The following COL19A1 variants were observed in gnomAD, a reference collection of about 807,000 sequenced individuals.
The protein encoded by COL19A1 is collagen alpha-1(XIX) chain.
A neutral mutation model predicts 190.2 loss-of-function variants in COL19A1; 159 were observed. The observed-to-expected ratio is 0.84, with a 90% confidence interval of 0.73 to 0.95. The LOEUF is 0.95. Ranked by LOEUF, COL19A1 falls within the 40% of genes least tolerant of loss-of-function variation. COL19A1 has a pLI of 0.00. For synonymous variants in COL19A1, 509 were observed against 458.9 expected (o/e 1.11, Z -1.39); for missense variants, 1,418 against 1,431.9 (o/e 0.99, Z 0.16).
chr6:69,923,801 G>C (rs1183654665), intron 4 of COL19A1, among the ~76,000 whole-genome samples: 1 of 152,156 alleles, frequency 6.6e-6, no homozygotes, highest in Non-Finnish European at 1.5e-5. Context: ...GAAGGCTAAG[G>C]TGATTTATAA....
At position 69,910,862 on chromosome 6, in the gene COL19A1, TG is replaced by T. The variant is rs550605701; in HGVS notation, c.266+10526del. Among the ~76,000 whole-genome samples, 43 of 152,334 alleles carry T rather than the reference TG, an allele frequency of 2.8e-4. 1 individual carries two copies. In the East Asian group the frequency reaches 7.9e-3, roughly 28 times the overall value. On this transcript the variant is annotated intron_variant, in intron 4 of 50. Coordinates refer to ENST00000620364, the MANE Select transcript of COL19A1 (RefSeq NM_001858.6). ...TTCAGTCTTATCTTTAATCTTAATT[TG>T]GCTCATAAAAATGCTATTTGAGGAC...
chr6:70,080,709 A>T (rs12193795), intron 15 of COL19A1, among the ~76,000 whole-genome samples: 43,975 of 152,042 alleles, frequency 0.29, 8,036 homozygotes, highest in Non-Finnish European at 0.41. Context: ...CATTCTGTAA[A>T]CTGTCATTTA....
At chr6:69,949,459 A>G (rs547446590) in intron 9 of COL19A1, among the ~76,000 whole-genome samples, 25 of 152,042 alleles carry the variant, frequency 1.6e-4, no homozygotes, top group Middle Eastern at 3.4e-3. Flanking sequence ...TAAAGAATGT[A>G]TACAAAATGA....
At chr6:69,875,748 G>C (rs1003092155) in intron 1 of COL19A1, among the ~76,000 whole-genome samples, 1 of 152,128 alleles carries the variant, frequency 6.6e-6, no homozygotes. Flanking sequence ...AATTTATCTG[G>C]ATGTATTAAG....
chr6:69,979,031 A>G (rs1775886402), intron 11 of COL19A1, among the ~76,000 whole-genome samples: 1 of 151,974 alleles, frequency 6.6e-6, no homozygotes, highest in African/African-American at 2.4e-5. Flanking sequence ...ACCAAGAATA[A>G]CTGGAAAATA....
chr6:70,047,935 C>T (rs1562118536), intron 14 of COL19A1, among the ~76,000 whole-genome samples: 2 of 147,356 alleles, frequency 1.4e-5, no homozygotes, highest in Non-Finnish European at 3.1e-5. Context: ...TGTAATATAT[C>T]CACTAATTTT....
chr6:70,065,561 G>A (rs1443238958), intron 14 of COL19A1, among the ~76,000 whole-genome samples: 1 of 152,160 alleles, frequency 6.6e-6, no homozygotes, highest in Admixed American at 6.5e-5. Flanking sequence ...AGGACTTCAT[G>A]TCTAAAACAC....
At chr6:70,069,997 A>G (rs985536799) in intron 15 of COL19A1, among the ~76,000 whole-genome samples, 1 of 152,118 alleles carries the variant, frequency 6.6e-6, no homozygotes, top group Non-Finnish European at 1.5e-5. Context: ...GGGCCTGACA[A>G]CCCTGTGTAA....
At chr6:70,027,242 C>T (rs1001789067) in intron 12 of COL19A1, among the ~76,000 whole-genome samples, 7 of 152,118 alleles carry the variant, frequency 4.6e-5, no homozygotes, top group African/African-American at 1.4e-4. Flanking sequence ...GTCTTTATTG[C>T]TGTGTATTAT....
At chr6:69,909,334 G>A (rs1287307169) in intron 4 of COL19A1, among the ~76,000 whole-genome samples, 2 of 152,102 alleles carry the variant, frequency 1.3e-5, no homozygotes, top group African/African-American at 2.4e-5. Context: ...TAGGGAGTGT[G>A]TGATATCTCT....
At chr6:70,026,256 A>G (rs904927060) in intron 12 of COL19A1, among the ~76,000 whole-genome samples, 2 of 152,202 alleles carry the variant, frequency 1.3e-5, no homozygotes, top group South Asian at 4.1e-4. Flanking sequence ...CAACTGATAC[A>G]TGCATATATT....
chr6:70,195,645 A>G (rs1374358302), intron 48 of COL19A1, among the ~76,000 whole-genome samples: 1 of 152,200 alleles, frequency 6.6e-6, no homozygotes, highest in Admixed American at 6.5e-5. Context: ...AGCTGTATAG[A>G]GAAAGGAATT....
chr6:70,168,146 CT>C (rs749287922), intron 38 of COL19A1, 24 bp from the exon 39 acceptor site: 16 of 1,611,214 alleles, frequency 9.9e-6, no homozygotes, highest in Non-Finnish European at 1.4e-5. Context: ...TTCTCTTTTT[CT>C]TTTCTTTTCA....
intron 4 of COL19A1, among the ~76,000 whole-genome samples, chr6:69,903,777 C>T (rs1408262099): frequency 6.6e-6 from 1 of 152,164 alleles, no homozygotes. Flanking sequence ...AAATGGGCAC[C>T]TCTTGTCAAC....
intron 16 of COL19A1, among the ~76,000 whole-genome samples, chr6:70,118,437 C>T (rs900400509): frequency 2.6e-5 from 4 of 152,214 alleles, no homozygotes; most frequent in African/African-American, 4.8e-5. Context: ...TAATTGGCAT[C>T]TCTTTCTAGT....
chr6:70,083,185 G>C (rs1782375442), intron 15 of COL19A1, among the ~76,000 whole-genome samples: 1 of 152,180 alleles, frequency 6.6e-6, no homozygotes, highest in Non-Finnish European at 1.5e-5. Flanking sequence ...TCTTCAAAGA[G>C]TGCATATAGG....
intron 41 of COL19A1, 148 bp downstream of exon 41, chr6:70,172,165 A>C: frequency 1.6e-6 from 1 of 644,234 alleles, no homozygotes; most frequent in Admixed American, 3.2e-5. Context: ...CTTACATTCT[A>C]GCAAAAGGAT....
At chr6:69,926,041 A>G (rs1772364111) in intron 4 of COL19A1, among the ~76,000 whole-genome samples, 1 of 152,160 alleles carries the variant, frequency 6.6e-6, no homozygotes. Flanking sequence ...AACAGGGACA[A>G]TTTGACTTCC....
At position 70,148,174 on chromosome 6, in the gene COL19A1, C is replaced by T. The variant is rs901022238; in HGVS notation, c.1893+1285C>T. Among the ~76,000 whole-genome samples, 4 of 151,668 alleles carry T rather than the reference C, an allele frequency of 2.6e-5. No individual in the cohort carries two copies. The East Asian group carries it at 7.8e-4, about 30-fold the overall frequency. On this transcript the variant is annotated intron_variant, in intron 27 of 50. Coordinates refer to ENST00000620364, the MANE Select transcript of COL19A1 (RefSeq NM_001858.6). The stretch of plus-strand genomic sequence containing the variant: ...CAAGATTGATAATTAACTATATTTC[C>T]AGCCCCTCTCCCCTCTTCAGAGAAC...
Sources: gnomAD v4.1 joint callset for allele counts (sites outside exome capture counted in the v4.1 genomes callset) on GRCh38, gnomAD v4.1.1 for gene constraint, MANE v1.5 for transcripts, NCBI Gene and HGNC (gene_info 2026-07-23, HGNC 2026-07-21) for gene names.